The following CDH18 variants were observed in gnomAD, a reference collection of about 807,000 sequenced individuals.
CDH18 encodes the protein cadherin-18.
In CDH18, 31 loss-of-function variants were observed where a neutral mutation model predicts 67.9. The observed-to-expected ratio is 0.46, with a 90% CI of 0.34 to 0.62. CDH18 has a LOEUF of 0.62. CDH18 is among the 20% of genes least tolerant of loss of function. The probability of loss-of-function intolerance (pLI) is 0.01; values close to 1 mark genes in which losing one functional copy is unlikely to be tolerated. For missense variants in CDH18, 890 were observed against 975.5 expected, an observed-to-expected ratio of 0.91 and a Z score of 1.17; for synonymous variants, 362 against 347.2, an observed-to-expected ratio of 1.04 and a Z score of -0.48.
intron 3 of CDH18, among the ~76,000 whole-genome samples, chr5:19,836,497 C>T (rs578261799): frequency 1.3e-5 from 2 of 152,202 alleles, no homozygotes; most frequent in East Asian, 3.9e-4. Context: ...TATCCTTTGC[C>T]TACTTTTTGA....
intron 1 of CDH18, among the ~76,000 whole-genome samples, chr5:20,539,753 C>CAA (rs1191653259): frequency 2.2e-4 from 30 of 138,470 alleles, no homozygotes; most frequent in African/African-American, 8.3e-4. Flanking sequence ...CACACACACA[C>CAA]ACAAACACAC....
intron 5 of CDH18, among the ~76,000 whole-genome samples, chr5:19,630,757 G>A (rs186410718): frequency 2.0e-5 from 3 of 152,170 alleles, no homozygotes; most frequent in Admixed American, 1.3e-4. Flanking sequence ...TAGAATGAAC[G>A]GGTCCCCTAG....
intron 2 of CDH18, among the ~76,000 whole-genome samples, chr5:20,163,900 C>T (rs2126621992): frequency 6.6e-6 from 1 of 152,170 alleles, no homozygotes; most frequent in Middle Eastern, 3.4e-3. Context: ...GACATTTGCA[C>T]AATATACCAA....
At chr5:19,900,799 C>T (rs1789865624) in intron 2 of CDH18, among the ~76,000 whole-genome samples, 1 of 152,070 alleles carries the variant, frequency 6.6e-6, no homozygotes, top group Admixed American at 6.6e-5. Context: ...TAAAAATAAA[C>T]TTTAGCACTA....
At chr5:20,334,750 TCATACA>T (rs1248650512) in intron 1 of CDH18, among the ~76,000 whole-genome samples, 16 of 99,364 alleles carry the variant, frequency 1.6e-4, no homozygotes, top group African/African-American at 6.8e-4. Flanking sequence ...TCTCTCTCTC[TCATACA>T]CACACACACA....
intron 1 of CDH18, among the ~76,000 whole-genome samples, chr5:20,317,952 CATAGT>C (rs1241445041): frequency 6.6e-6 from 1 of 152,148 alleles, no homozygotes; most frequent in African/African-American, 2.4e-5. Context: ...TAAACTGCTG[CATAGT>C]ATATTCTCTA....
intron 1 of CDH18, among the ~76,000 whole-genome samples, chr5:20,424,745 TAAA>T (rs67349001): frequency 0.025 from 1,073 of 42,780 alleles, 20 homozygotes; most frequent in African/African-American, 0.1. Flanking sequence ...AGACTCTGTC[TAAA>T]AAAAAAAAAA....
At chr5:20,559,928 G>A (rs1424599930) in intron 1 of CDH18, among the ~76,000 whole-genome samples, 1 of 147,900 alleles carries the variant, frequency 6.8e-6, no homozygotes, top group East Asian at 2.0e-4. Flanking sequence ...ACTAGCTAAA[G>A]TGCAAAATTT....
At chr5:19,954,034 T>C (rs1380399313) in intron 2 of CDH18, among the ~76,000 whole-genome samples, 1 of 152,078 alleles carries the variant, frequency 6.6e-6, no homozygotes, top group Non-Finnish European at 1.5e-5. Flanking sequence ...CAGTAATTGG[T>C]CATTTTACAG....
intron 2 of CDH18, among the ~76,000 whole-genome samples, chr5:20,076,954 T>A (rs1209016974): frequency 6.6e-6 from 1 of 152,316 alleles, no homozygotes; most frequent in East Asian, 1.9e-4. Flanking sequence ...TTATGCATCA[T>A]TGTAAAAATC....
intron 2 of CDH18, among the ~76,000 whole-genome samples, chr5:19,917,607 T>C (rs55875749): frequency 0.032 from 4,854 of 152,182 alleles, 225 homozygotes; most frequent in African/African-American, 0.099. Context: ...TATATAAAGA[T>C]AGCAAGTGGT....
intron 9 of CDH18, among the ~76,000 whole-genome samples, chr5:19,525,569 G>A (rs753757801): frequency 3.9e-5 from 6 of 152,162 alleles, no homozygotes; most frequent in Non-Finnish European, 7.4e-5. Context: ...GTAATTTCTG[G>A]TGCAAATTCA....
intron 3 of CDH18, among the ~76,000 whole-genome samples, chr5:19,772,085 C>A (rs1365531833): frequency 1.3e-5 from 2 of 152,124 alleles, no homozygotes; most frequent in Non-Finnish European, 2.9e-5. Context: ...TGATCGAACA[C>A]TTTTTACTCT....
At chr5:20,191,750 G>GT in intron 2 of CDH18, among the ~76,000 whole-genome samples, 1 of 151,968 alleles carries the variant, frequency 6.6e-6, no homozygotes, top group East Asian at 1.9e-4. Flanking sequence ...TCTTTTTCCA[G>GT]TCTATCATTG....
intron 2 of CDH18, among the ~76,000 whole-genome samples, chr5:20,059,577 C>T (rs1467311643): frequency 6.6e-6 from 1 of 152,030 alleles, no homozygotes; most frequent in Non-Finnish European, 1.5e-5. Context: ...GATCTAGAAC[C>T]AGAAATACCA....
intron 2 of CDH18, among the ~76,000 whole-genome samples, chr5:20,108,719 C>G (rs1747202834): frequency 6.6e-6 from 1 of 152,122 alleles, no homozygotes; most frequent in Non-Finnish European, 1.5e-5. Flanking sequence ...CCTTCTGTTA[C>G]TGGGTCTCAT....
chr5:20,538,899 TTTTTTTTTTG>T (rs1210652543), intron 1 of CDH18, among the ~76,000 whole-genome samples: 2 of 54,380 alleles, frequency 3.7e-5, no homozygotes, highest in Non-Finnish European at 7.6e-5. Context: ...TAGCCAACTG[TTTTTTTTTTG>T]TTTTTTTTTT....
At position 20,201,700 on chromosome 5, in the gene CDH18, T is replaced by C. The variant is rs76871890; in HGVS notation, c.-518+53744A>G. ...TTTATGCTAGAGAGAATACATAATA[T>C]AATCTGTTAAGCAAGTAAGATGTCC... is the stretch of plus-strand genomic sequence containing the variant. On this transcript the variant is annotated intron_variant, in intron 2 of 14. Transcript: ENST00000507958. 7.7e-3 allele frequency among the ~76,000 whole-genome samples: 1,174 copies of C among 152,242 alleles called. 72 individuals are homozygous for C. In the East Asian group the frequency reaches 0.16, roughly 21 times the overall value.
chr5:19,633,684 C>CA (rs1426681994), intron 5 of CDH18, among the ~76,000 whole-genome samples: 2 of 151,922 alleles, frequency 1.3e-5, no homozygotes, highest in African/African-American at 4.8e-5. Flanking sequence ...GGCTGGAGTG[C>CA]AGTGGTGCAA....
Sources: allele counts gnomAD v4.1 joint callset (sites outside exome capture counted in the v4.1 genomes callset), GRCh38; gene constraint gnomAD v4.1.1; transcripts MANE v1.5; gene names NCBI Gene and HGNC (gene_info 2026-07-23, HGNC 2026-07-21).